Variants in DGCR2 observed in about 807,000 individuals in gnomAD.
DGCR2 encodes the protein DiGeorge syndrome critical region gene 2, also known as integral membrane protein DGCR2/IDD.
DGCR2 carries 24 observed loss-of-function variants against 51.6 expected under a neutral mutation model. That is an observed-to-expected ratio of 0.47 (90% CI 0.34 to 0.65). The LOEUF (loss-of-function observed/expected upper bound fraction) is 0.65, where lower values mean the gene tolerates loss of function less well. Among genes scored for constraint, DGCR2 ranks in the 30% least tolerant of loss-of-function variants. DGCR2 has a pLI of 0.01. For synonymous variants in DGCR2, 340 were observed against 315.4 expected, an observed-to-expected ratio of 1.08 and a Z score of -0.82; for missense variants, 765 against 772.1, an observed-to-expected ratio of 0.99 and a Z score of 0.11.
chr22:19,112,127 T>C (rs1423126243), intron 1 of DGCR2, among the ~76,000 whole-genome samples: 2 of 151,678 alleles, frequency 1.3e-5, no homozygotes, highest in Admixed American at 6.6e-5. Flanking sequence ...ACAAAAATTA[T>C]CTGGGCGTGG....
intron 2 of DGCR2, among the ~76,000 whole-genome samples, chr22:19,088,494 C>A (rs533382573): frequency 8.5e-5 from 13 of 152,296 alleles, no homozygotes; most frequent in African/African-American, 1.9e-4. Flanking sequence ...CAAGAAACAG[C>A]CCAGCTGAGC....
intron 5 of DGCR2, chr22:19,061,633 T>G (rs2082664415): frequency 6.6e-6 from 1 of 152,248 alleles, no homozygotes; most frequent in African/African-American, 2.4e-5. Flanking sequence ...CCACTCATGA[T>G]GCTGAGCTGC....
At chr22:19,077,284 C>T (rs1359966032) in intron 2 of DGCR2, among the ~76,000 whole-genome samples, 1 of 152,094 alleles carries the variant, frequency 6.6e-6, no homozygotes, top group African/African-American at 2.4e-5. Context: ...GTCACGAAGA[C>T]TTTATTATGT....
intron 9 of DGCR2, among the ~76,000 whole-genome samples, chr22:19,040,807 C>G (rs9618453): frequency 0.43 from 65,312 of 152,124 alleles, 14,366 homozygotes; most frequent in African/African-American, 0.53. Flanking sequence ...TCACAGAAGG[C>G]AGGGAGGTAG....
rs1228619966 is a variant in DGCR2 at position 19,087,274 on chromosome 22, C to T, written c.202+2094G>A. Among the ~76,000 whole-genome samples, 5 of 152,188 alleles carry T rather than the reference C, an allele frequency of 3.3e-5. No homozygotes were observed. The East Asian group carries it at 5.8e-4, about 18-fold the overall frequency. On this transcript the variant is annotated intron_variant, in intron 2 of 9. Coordinates refer to ENST00000263196, the MANE Select transcript of DGCR2 (RefSeq NM_005137.3). The stretch of plus-strand genomic sequence containing the variant: ...AAGGACTGTCCCAGAGGCTCCTGAC[C>T]GGGCCAACACCATCCAAACCCTCAT...
At chr22:19,039,492 C>G (rs1386224349) in intron 9 of DGCR2, among the ~76,000 whole-genome samples, 2 of 152,124 alleles carry the variant, frequency 1.3e-5, no homozygotes, top group African/African-American at 4.8e-5. Context: ...GGTGAAGACC[C>G]GGCTCAGCAA....
intron 1 of DGCR2, among the ~76,000 whole-genome samples, chr22:19,119,593 G>A (rs535002816): frequency 8.5e-5 from 13 of 152,154 alleles, no homozygotes; most frequent in South Asian, 6.2e-4. Flanking sequence ...AAAATTAGCC[G>A]AGCGTGGAGG....
chr22:19,075,789 A>T (rs149473372), intron 2 of DGCR2, among the ~76,000 whole-genome samples: 37 of 152,338 alleles, frequency 2.4e-4, no homozygotes, highest in African/African-American at 7.9e-4. Flanking sequence ...ACCATATTCC[A>T]CTGGATGGAT....
chr22:19,105,712 C>A (rs1335761934), intron 1 of DGCR2, among the ~76,000 whole-genome samples: 1 of 148,718 alleles, frequency 6.7e-6, no homozygotes, highest in African/African-American at 2.5e-5. Context: ...CTGCGTCAGA[C>A]AGAGAGCAGA....
At chr22:19,058,057 C>T (rs1185224511) in intron 5 of DGCR2, among the ~76,000 whole-genome samples, 2 of 152,228 alleles carry the variant, frequency 1.3e-5, no homozygotes, top group African/African-American at 4.8e-5. Context: ...CCTAAGACAG[C>T]AGCAGTGCAG....
intron 1 of DGCR2, among the ~76,000 whole-genome samples, chr22:19,092,376 A>C (rs373625632): frequency 6.6e-6 from 1 of 152,100 alleles, no homozygotes; most frequent in South Asian, 2.1e-4. Flanking sequence ...CAGAAGAGAG[A>C]TGTCATCACT....
intron 1 of DGCR2, among the ~76,000 whole-genome samples, chr22:19,104,464 C>A (rs76583334): frequency 0.016 from 2,496 of 152,274 alleles, 89 homozygotes; most frequent in East Asian, 0.062. Context: ...GATTTCTCTT[C>A]AACATTTGCC....
intron 6 of DGCR2, among the ~76,000 whole-genome samples, chr22:19,055,579 A>C (rs940162091): frequency 9.2e-5 from 14 of 152,246 alleles, no homozygotes; most frequent in Admixed American, 9.2e-4. Flanking sequence ...AAAGATTTGA[A>C]AGAAGAAACA....
At chr22:19,099,583 C>A (rs1196936022) in intron 1 of DGCR2, among the ~76,000 whole-genome samples, 1 of 152,128 alleles carries the variant, frequency 6.6e-6, no homozygotes, top group Non-Finnish European at 1.5e-5. Context: ...AACACCACCA[C>A]CAACAAAAAA....
At chr22:19,088,186 C>G (rs1421935762) in intron 2 of DGCR2, among the ~76,000 whole-genome samples, 2 of 152,184 alleles carry the variant, frequency 1.3e-5, no homozygotes, top group Non-Finnish European at 2.9e-5. Context: ...CCAAGTCCCA[C>G]TAAGGAAGGA....
chr22:19,117,376 A>G (rs1234436085), intron 1 of DGCR2, among the ~76,000 whole-genome samples: 1 of 152,270 alleles, frequency 6.6e-6, no homozygotes, highest in East Asian at 1.9e-4. Flanking sequence ...CAGTGATGCC[A>G]GCTTGCCTCC....
intron 4 of DGCR2, among the ~76,000 whole-genome samples, chr22:19,063,513 A>ATTT (rs35934680): frequency 4.5e-5 from 6 of 132,984 alleles, no homozygotes; most frequent in South Asian, 2.4e-4. Context: ...TAATTTTTGT[A>ATTT]TTTTTTTTTT....
chr22:19,060,810 G>T (rs779071170), intron 5 of DGCR2: 8 of 493,968 alleles, frequency 1.6e-5, no homozygotes, highest in Non-Finnish European at 3.2e-5. Flanking sequence ...AGGCTGGTGT[G>T]GGCCTGGGGG....
intron 2 of DGCR2, among the ~76,000 whole-genome samples, chr22:19,070,036 C>G (rs952537109): frequency 2.0e-5 from 3 of 152,188 alleles, no homozygotes; most frequent in Non-Finnish European, 1.5e-5. Flanking sequence ...CAGTGTGGGA[C>G]AGTAACTGGC....
Sources: allele counts gnomAD v4.1 joint callset (sites outside exome capture counted in the v4.1 genomes callset), GRCh38; gene constraint gnomAD v4.1.1; transcripts MANE v1.5; gene names NCBI Gene and HGNC (gene_info 2026-07-23, HGNC 2026-07-21).